The following SLC38A6 variants were observed in gnomAD, a reference collection of about 807,000 sequenced individuals.
The protein encoded by SLC38A6 is solute carrier family 38 member 6.
SLC38A6 carries 73 observed loss-of-function variants against 65.0 expected under a neutral mutation model. The observed-to-expected ratio is 1.12, with a 90% CI of 0.93 to 1.37. The LOEUF (loss-of-function observed/expected upper bound fraction) is 1.37. SLC38A6 is among the 40% of genes most tolerant of loss of function. The probability of loss-of-function intolerance (pLI) is 0.00; values close to 1 mark genes in which losing one functional copy is unlikely to be tolerated. For missense variants in SLC38A6, 561 were observed against 531.1 expected, an observed-to-expected ratio of 1.06 and a Z score of -0.55; for synonymous variants, 183 against 178.8, an observed-to-expected ratio of 1.02 and a Z score of -0.19.
intron 11 of SLC38A6, among the ~76,000 whole-genome samples, 198 bp from the exon 12 acceptor site, chr14:61,045,869 G>A (rs892903563): frequency 6.6e-6 from 1 of 151,324 alleles, no homozygotes; most frequent in African/African-American, 2.4e-5. Context: ...CTGGGCGACA[G>A]AGCAAGACTC....
intron 3 of SLC38A6, among the ~76,000 whole-genome samples, chr14:60,997,309 A>G (rs995439712): frequency 6.6e-6 from 1 of 151,970 alleles, no homozygotes; most frequent in Admixed American, 6.6e-5. Context: ...GCACCACCAC[A>G]CCTGGCTAAT....
rs753137384 is a variant in SLC38A6 at position 60,982,601 on chromosome 14, G to A, written c.199G>A (p.Ala67Thr). ...CATGGGAAGTGGCATCCTTGGCTTA[G>A]CTTATGTTTTGGCTAATACCGGTGT... ...AIMGSGILGL[A>T]YVLANTGVFG... is the part of the protein sequence containing the mutation. The change falls in exon 2 of 16, where the codon GCT becomes ACT. Residue 67 changes from alanine (A) to threonine (T), a missense_variant. Coordinates refer to ENST00000267488, the MANE Select transcript of SLC38A6 (RefSeq NM_153811.3). 6.2e-7 allele frequency: 1 copy of A among 1,613,924 alleles called. No individual in the cohort carries two copies. The highest frequency in any genetic ancestry group is 1.7e-5 in the Admixed American group (1 of 59,990).
intron 3 of SLC38A6, among the ~76,000 whole-genome samples, chr14:61,006,037 A>T (rs2039087980): frequency 6.6e-6 from 1 of 152,204 alleles, no homozygotes; most frequent in African/African-American, 2.4e-5. Flanking sequence ...ATCTACACCT[A>T]TCTGATCTTT....
At chr14:61,024,408 C>T (rs2040502858) in intron 5 of SLC38A6, among the ~76,000 whole-genome samples, 1 of 152,160 alleles carries the variant, frequency 6.6e-6, no homozygotes, top group African/African-American at 2.4e-5. Context: ...CCCTCTGCAG[C>T]CCATTTCCTC....
At chr14:60,995,847 A>C (rs72723917) in intron 3 of SLC38A6, among the ~76,000 whole-genome samples, 35,988 of 152,116 alleles carry the variant, frequency 0.24, 4,672 homozygotes, top group Middle Eastern at 0.3. Flanking sequence ...CAGAAAATAA[A>C]AAAGATCAGT....
chr14:60,996,153 A>G (rs929472321), intron 3 of SLC38A6, among the ~76,000 whole-genome samples: 33 of 152,232 alleles, frequency 2.2e-4, no homozygotes, highest in Admixed American at 4.6e-4. Context: ...GGAACTCTGT[A>G]CTTTCTGTTC....
chr14:61,065,565 G>A (rs1288013628), intron 15 of SLC38A6, among the ~76,000 whole-genome samples: 1 of 152,168 alleles, frequency 6.6e-6, no homozygotes, highest in Non-Finnish European at 1.5e-5. Flanking sequence ...CTGGGGTAGT[G>A]AAGTAAGCAG....
chr14:61,049,464 TG>T (rs765291524), intron 12 of SLC38A6, among the ~76,000 whole-genome samples: 17 of 152,170 alleles, frequency 1.1e-4, no homozygotes, highest in Non-Finnish European at 1.9e-4. Flanking sequence ...GTTTAGTATA[TG>T]GCCATCCCCA....
At position 61,037,138 on chromosome 14, in the gene SLC38A6, A is replaced by G. The variant is rs771275111; in HGVS notation, c.562A>G (p.Ile188Val). 10 of 1,596,444 alleles carry G rather than the reference A, an allele frequency of 6.3e-6. No individual in the cohort carries two copies. The highest frequency in any genetic ancestry group is 5.1e-6 in the Non-Finnish European group (6 of 1,170,018). The stretch of plus-strand genomic sequence containing the variant: ...GTTCCCTCTTGCACTTCTTCCCAAA[A>G]TAGGTAAGTCTTTATAGAGCACATT... ...IVFPLALLPK[I>V]GFLGYTSSLS... The change falls in exon 7 of 16, where the codon ATA becomes GTA. Residue 188 changes from isoleucine to valine, a missense_variant. By Grantham distance (29) the Ile-to-Val change is conservative. Coordinates refer to ENST00000267488, the MANE Select transcript of SLC38A6 (RefSeq NM_153811.3).
intron 5 of SLC38A6, among the ~76,000 whole-genome samples, chr14:61,024,720 AT>A (rs1291453535): frequency 6.6e-6 from 1 of 152,190 alleles, no homozygotes; most frequent in Non-Finnish European, 1.5e-5. Flanking sequence ...GTAGGCTAGA[AT>A]TATCACTAGA....
At chr14:61,080,397 G>A (rs1217972608) in intron 16 of SLC38A6, among the ~76,000 whole-genome samples, 1 of 152,180 alleles carries the variant, frequency 6.6e-6, no homozygotes, top group East Asian at 1.9e-4. Flanking sequence ...CCAGCCTGGT[G>A]AAAGTCATAG....
chr14:60,995,039 G>A (rs2038188223), intron 3 of SLC38A6, among the ~76,000 whole-genome samples: 1 of 150,186 alleles, frequency 6.7e-6, no homozygotes, highest in Non-Finnish European at 1.5e-5. Flanking sequence ...GAAGAAATGA[G>A]GCATCAAGCC....
chr14:61,071,987 G>C (rs890787183), intron 15 of SLC38A6, among the ~76,000 whole-genome samples: 1 of 152,158 alleles, frequency 6.6e-6, no homozygotes, highest in Non-Finnish European at 1.5e-5. Flanking sequence ...TTCCAGGAAA[G>C]GGTGTGATTG....
intron 3 of SLC38A6, among the ~76,000 whole-genome samples, chr14:60,985,239 A>C (rs1352998722): frequency 5.3e-5 from 8 of 152,244 alleles, no homozygotes; most frequent in African/African-American, 2.4e-5. Context: ...AAGGTCACAA[A>C]GCTTTAATTT....
Position 61,003,729 on chromosome 14 carries a change from A to G in SLC38A6, c.311-12175A>G, listed in dbSNP as rs1009030908. Among the ~76,000 whole-genome samples the G allele has an allele frequency of 4.6e-5, 7 of 152,276 alleles. No homozygotes were observed. The Middle Eastern group carries it at 0.01, about 222-fold the overall frequency. On this transcript the variant is annotated intron_variant, in intron 3 of 15. Coordinates refer to ENST00000267488, the MANE Select transcript of SLC38A6 (RefSeq NM_153811.3). The stretch of plus-strand genomic sequence containing the variant: ...CAAACATTTGGCTGACTGTGTACAC[A>G]TTTTATTTAGTAAAGCCTCAATGTT...
chr14:60,996,736 G>A (rs1325038903), intron 3 of SLC38A6, among the ~76,000 whole-genome samples: 1 of 152,062 alleles, frequency 6.6e-6, no homozygotes, highest in Non-Finnish European at 1.5e-5. Context: ...CTTACAGAGA[G>A]AAGGAACAAA....
intron 3 of SLC38A6, among the ~76,000 whole-genome samples, chr14:61,000,680 A>G (rs528804938): frequency 6.6e-6 from 1 of 152,298 alleles, no homozygotes; most frequent in East Asian, 1.9e-4. Context: ...TACAGTGTTC[A>G]ATATCTACAT....
At chr14:60,995,134 C>A (rs1294317935) in intron 3 of SLC38A6, among the ~76,000 whole-genome samples, 2 of 151,992 alleles carry the variant, frequency 1.3e-5, no homozygotes, top group Non-Finnish European at 2.9e-5. Flanking sequence ...TGGGTTTATA[C>A]CCAAAGGAAA....
intron 6 of SLC38A6, among the ~76,000 whole-genome samples, chr14:61,034,635 G>C (rs1478450404): frequency 6.6e-6 from 1 of 152,052 alleles, no homozygotes; most frequent in African/African-American, 2.4e-5. Flanking sequence ...AAGATCTTTT[G>C]AAGTTTCTGT....
Sources: gnomAD v4.1 joint callset for allele counts (sites outside exome capture counted in the v4.1 genomes callset) on GRCh38, gnomAD v4.1.1 for gene constraint, MANE v1.5 for transcripts, NCBI Gene and HGNC (gene_info 2026-07-23, HGNC 2026-07-21) for gene names.